FGF13: variants seen among roughly 807,000 people sequenced by gnomAD.
FGF13 encodes the protein fibroblast growth factor homologous factor 2.
FGF13 carries 2 observed loss-of-function variants against 19.5 expected under a neutral mutation model. The ratio of observed to expected loss-of-function variants is 0.10; its 90% CI spans 0.04 to 0.32. FGF13 has a LOEUF of 0.32. Among genes scored for constraint, FGF13 ranks in the 10% least tolerant of loss-of-function variants. The pLI, the probability that FGF13 is intolerant of heterozygous loss-of-function variation, is 1.00. For synonymous variants in FGF13, 72 were observed against 76.9 expected, an observed-to-expected ratio of 0.94 and a Z score of 0.33; for missense variants, 113 against 192.7, an observed-to-expected ratio of 0.59 and a Z score of 2.45.
rs928647285 is a variant in FGF13, at chrX:139,096,769, A to G, written c.-113+106647T>C. 2.7e-5 allele frequency among the ~76,000 whole-genome samples: 3 copies of G among 112,197 alleles called. No individual in the cohort carries two copies. In the Admixed American group the frequency reaches 2.8e-4, roughly 11 times the overall value. On this transcript the variant is annotated intron_variant, in intron 1 of 2. Coordinates refer to the FGF13 transcript ENST00000421460. ...TGCTATGAGTAACTTTACACCCATA[A>G]ATTTAACAATTTCAATAAGATATCG...
At chrX:139,040,396 A>C (rs192975410) in intron 1 of FGF13, among the ~76,000 whole-genome samples, 110 of 112,338 alleles carry the variant, frequency 9.8e-4, no homozygotes, top group African/African-American at 3.1e-3. Context: ...AGGGGAGAGG[A>C]GGTTAAAGAT....
At chrX:139,028,857 A>G (rs754179272) in intron 1 of FGF13, among the ~76,000 whole-genome samples, 24 of 110,103 alleles carry the variant, frequency 2.2e-4, no homozygotes, top group Non-Finnish European at 4.0e-4. Flanking sequence ...TAAGATGCCC[A>G]CTGCCAAATA....
chrX:138,724,092 G>A (rs1358093933), intron 1 of FGF13, among the ~76,000 whole-genome samples: 2 of 111,732 alleles, frequency 1.8e-5, no homozygotes, highest in Non-Finnish European at 3.8e-5. Flanking sequence ...AACTGTACAC[G>A]GAGCTTACTT....
intron 1 of FGF13, among the ~76,000 whole-genome samples, chrX:139,189,625 A>T (rs1002631224): frequency 8.9e-6 from 1 of 111,875 alleles, no homozygotes; most frequent in African/African-American, 3.3e-5. Flanking sequence ...AGGTAGCTAA[A>T]GTAGTCAAAC....
intron 1 of FGF13, among the ~76,000 whole-genome samples, chrX:138,960,828 ATAGT>A (rs1358725255): frequency 8.9e-6 from 1 of 111,870 alleles, no homozygotes; most frequent in African/African-American, 3.3e-5. Flanking sequence ...CATGCATCAA[ATAGT>A]TCTCGTGCCA....
chrX:138,971,699 C>T (rs2091916887), intron 1 of FGF13, among the ~76,000 whole-genome samples: 1 of 111,598 alleles, frequency 9.0e-6, no homozygotes, highest in Non-Finnish European at 1.9e-5. Context: ...TGTTCATCAC[C>T]TCAAACAGGT....
intron 1 of FGF13, among the ~76,000 whole-genome samples, chrX:139,122,758 C>T (rs1407259410): frequency 9.0e-6 from 1 of 111,470 alleles, no homozygotes; most frequent in Non-Finnish European, 1.9e-5. Context: ...GTCCCTCAGA[C>T]CAAACTTTTT....
intron 1 of FGF13, among the ~76,000 whole-genome samples, chrX:138,726,813 G>A (rs751181312): frequency 2.7e-5 from 3 of 111,769 alleles, no homozygotes; most frequent in Non-Finnish European, 5.7e-5. Flanking sequence ...TACTGATGAG[G>A]TAGGTACTGT....
chrX:139,055,117 TA>T (rs1385935870), intron 1 of FGF13, among the ~76,000 whole-genome samples: 1 of 111,308 alleles, frequency 9.0e-6, no homozygotes, highest in Non-Finnish European at 1.9e-5. Context: ...TAAACAATCA[TA>T]TTGTCAGCAG....
rs2091627085 is a variant in FGF13, at chrX:138,918,091, G to A, written c.-112-53441C>T. Among the ~76,000 whole-genome samples the A allele has an allele frequency of 1.8e-5, 2 of 109,615 alleles. 1 individual carries two copies. Among genetic ancestry groups the A allele is most frequent in the African/African-American group, 6.7e-5 (2 of 30,028 alleles). On this transcript the variant is annotated intron_variant, in intron 1 of 2. Transcript: ENST00000421460. ...GATGGGGAGACGAATCATACCAACA[G>A]ATAGTTTAACCATTTTGGACTAAAA...
rs911744887 is a variant in FGF13 at position 138,631,446 on chromosome X, A to G, written c.*1404T>C. On this transcript the variant is annotated 3_prime_UTR_variant, in exon 5 of 5. Coordinates refer to ENST00000315930, the MANE Select transcript of FGF13 (RefSeq NM_004114.5). Reference sequence around the variant, plus strand: ...CACACTTTAAAGTGTTCATGTTAATATGACTCTCTAGACTGTAGACTATCT... The same window carrying G: ...CACACTTTAAAGTGTTCATGTTAATGTGACTCTCTAGACTGTAGACTATCT... The G allele has an allele frequency of 4.4e-5, 5 of 112,479 alleles. No individual in the cohort carries two copies. Among genetic ancestry groups the G allele is most frequent in the Non-Finnish European group, 7.5e-5 (4 of 53,282 alleles). 9.3% of individuals were successfully genotyped at this position (112,479 alleles called of 1,213,427 possible). A position where few individuals can be genotyped will look rare whatever the true frequency, so the allele number is the denominator to read the frequency against.
At chrX:139,145,551 C>G (rs867445924) in intron 1 of FGF13, among the ~76,000 whole-genome samples, 1 of 110,372 alleles carries the variant, frequency 9.1e-6, no homozygotes, top group East Asian at 2.9e-4. Flanking sequence ...TACTCCCCTT[C>G]AAGCCATAAA....
intron 1 of FGF13, among the ~76,000 whole-genome samples, chrX:139,086,546 G>C (rs953627315): frequency 9.0e-6 from 1 of 111,573 alleles, no homozygotes; most frequent in African/African-American, 3.3e-5. Context: ...AGCTAGAAGA[G>C]TTGAAATATT....
intron 1 of FGF13, among the ~76,000 whole-genome samples, chrX:139,169,468 G>C (rs750334850): frequency 9.1e-6 from 1 of 109,713 alleles, no homozygotes; most frequent in Non-Finnish European, 1.9e-5. Context: ...TCCCCTGCTT[G>C]CTTGCTTGTA....
intron 3 of FGF13, among the ~76,000 whole-genome samples, chrX:138,782,773 A>G (rs1270847720): frequency 4.3e-4 from 43 of 100,985 alleles, no homozygotes; most frequent in Non-Finnish European, 7.6e-4. Flanking sequence ...CATCCCCATC[A>G]AGCTACCAAT....
chrX:138,668,062 T>C (rs914736166), intron 3 of FGF13, among the ~76,000 whole-genome samples: 2 of 111,827 alleles, frequency 1.8e-5, no homozygotes, highest in African/African-American at 6.5e-5. Flanking sequence ...TATAGGCTTA[T>C]ATATATTGGC....
At chrX:138,956,530 AG>A (rs1206357715) in intron 1 of FGF13, among the ~76,000 whole-genome samples, 1 of 111,255 alleles carries the variant, frequency 9.0e-6, no homozygotes, top group Non-Finnish European at 1.9e-5. Context: ...CATGGGTTCC[AG>A]TCTCAGCTGT....
At chrX:139,049,200 T>C (rs143984567) in intron 1 of FGF13, among the ~76,000 whole-genome samples, 122 of 111,140 alleles carry the variant, frequency 1.1e-3, no homozygotes, top group African/African-American at 3.4e-3. Flanking sequence ...AGAATAATGG[T>C]TACCAGGGGC....
chrX:138,782,850 C>T lies in FGF13; in HGVS notation c.218-73922G>A, dbSNP rs1243367654. 5.8e-3 allele frequency among the ~76,000 whole-genome samples: 552 copies of T among 95,832 alleles called. 4 individuals are homozygous for T. The highest frequency in any genetic ancestry group is 0.02 in the African/African-American group (505 of 25,503). 83.2% of individuals were successfully genotyped at this position (95,832 alleles called of 115,157 possible). A position where few individuals can be genotyped will look rare whatever the true frequency, so the allele number is the denominator to read the frequency against. ...TATGGAACCAAAAAAGAGCCCACAT[C>T]GCCAAGTCAATCCTAAGCCAAAAGA... On this transcript the variant is annotated intron_variant, in intron 3 of 6. Coordinates refer to the FGF13 transcript ENST00000436198.
Sources: allele counts gnomAD v4.1 joint callset (sites outside exome capture counted in the v4.1 genomes callset), GRCh38; gene constraint gnomAD v4.1.1; transcripts MANE v1.5; gene names NCBI Gene and HGNC (gene_info 2026-07-23, HGNC 2026-07-21).